ZNF469: variants seen among roughly 807,000 people sequenced by gnomAD.
ZNF469 encodes the protein zinc finger protein 469.
In ZNF469, 1 loss-of-function variant was observed where a neutral mutation model predicts 1.0. The observed-to-expected ratio is 1.00, with a 90% CI of 0.35 to 4.73. ZNF469 has a LOEUF of 4.73. Among genes scored for constraint, ZNF469 ranks in the 30% most tolerant of loss-of-function variants. ZNF469 has a pLI of 0.16. For missense variants in ZNF469, 6,100 were observed against 5,356.3 expected, an observed-to-expected ratio of 1.14 and a Z score of -4.33; for synonymous variants, 2,703 against 2,363.4, an observed-to-expected ratio of 1.14 and a Z score of -4.17.
At chr16:88,388,411 ACGGCAGC>A (rs1904398274) in intron 1 of ZNF469, among the ~76,000 whole-genome samples, 1 of 152,250 alleles carries the variant, frequency 6.6e-6, no homozygotes, top group Admixed American at 6.5e-5. Context: ...CCGGCCGGGC[ACGGCAGC>A]CGCCTGCAGA....
chr16:88,228,216 T>C, the ZNF469 span, among the ~76,000 whole-genome samples: 5 of 152,256 alleles, frequency 3.3e-5, no homozygotes, highest in Non-Finnish European at 7.3e-5. Flanking sequence ...GTGTGGGCTG[T>C]GGAGCAGGGG....
the ZNF469 span, among the ~76,000 whole-genome samples, chr16:88,153,370 G>A: frequency 7.7e-4 from 118 of 152,360 alleles, no homozygotes; most frequent in African/African-American, 2.8e-3. Context: ...TGGTCTAGAA[G>A]AGTCTCCGTT....
At chr16:88,171,951 A>G in the ZNF469 span, among the ~76,000 whole-genome samples, 1 of 152,204 alleles carries the variant, frequency 6.6e-6, no homozygotes. Flanking sequence ...AGAAAACTGG[A>G]TGAAGTGTTC....
intron 1 of ZNF469, among the ~76,000 whole-genome samples, chr16:88,400,213 C>T (rs1461126334): frequency 2.0e-5 from 3 of 152,220 alleles, no homozygotes; most frequent in African/African-American, 4.8e-5. Context: ...TCAGCAGGCC[C>T]GAGTTCGAGC....
chr16:88,229,719 C>A, the ZNF469 span, among the ~76,000 whole-genome samples: 2 of 152,224 alleles, frequency 1.3e-5, no homozygotes, highest in Non-Finnish European at 2.9e-5. Context: ...GTGCTGATGT[C>A]ACGCGTGTGG....
At chr16:88,377,062 G>C in the ZNF469 span, among the ~76,000 whole-genome samples, 3 of 152,264 alleles carry the variant, frequency 2.0e-5, no homozygotes, top group Non-Finnish European at 4.4e-5. Flanking sequence ...CTCCCAGGAG[G>C]GACTTGCCAG....
chr16:88,286,496 A>T, the ZNF469 span, among the ~76,000 whole-genome samples: 1 of 152,234 alleles, frequency 6.6e-6, no homozygotes, highest in Non-Finnish European at 1.5e-5. Context: ...GCCAGCTCCC[A>T]CATGCCATCC....
At chr16:88,247,009 GAATC>G in the ZNF469 span, among the ~76,000 whole-genome samples, 1 of 151,954 alleles carries the variant, frequency 6.6e-6, no homozygotes, top group African/African-American at 2.4e-5. Flanking sequence ...GTGAATGAGT[GAATC>G]AATGAGTGAG....
intron 1 of ZNF469, among the ~76,000 whole-genome samples, chr16:88,403,124 C>G (rs12102854): frequency 0.35 from 53,027 of 151,996 alleles, 9,519 homozygotes; most frequent in Non-Finnish European, 0.4. Flanking sequence ...CAGGAGAGAA[C>G]CTTGGGTGGA....
At chr16:88,185,611 TACAG>T in the ZNF469 span, among the ~76,000 whole-genome samples, 3 of 147,118 alleles carry the variant, frequency 2.0e-5, no homozygotes, top group East Asian at 4.1e-4. Flanking sequence ...TGCCCAGACC[TACAG>T]ACACACTCAC....
At chr16:88,243,936 ATATATATATATAT>A in the ZNF469 span, among the ~76,000 whole-genome samples, 83 of 111,098 alleles carry the variant, frequency 7.5e-4, 5 homozygotes, top group East Asian at 0.012. Context: ...ATATATATAT[ATATATATATATAT>A]ATAAATGTAT....
the ZNF469 span, among the ~76,000 whole-genome samples, chr16:88,280,557 T>C: frequency 0.7 from 104,093 of 149,290 alleles, 36,397 homozygotes; most frequent in East Asian, 0.91. Context: ...GCCACGCTGA[T>C]GCTTGATCAG....
At chr16:88,296,929 C>T in the ZNF469 span, among the ~76,000 whole-genome samples, 1 of 152,242 alleles carries the variant, frequency 6.6e-6, no homozygotes, top group Non-Finnish European at 1.5e-5. Flanking sequence ...TGTTTTGAAG[C>T]AGGGCCATTT....
chr16:88,374,554 G>A, the ZNF469 span, among the ~76,000 whole-genome samples: 1 of 152,238 alleles, frequency 6.6e-6, no homozygotes, highest in Admixed American at 6.5e-5. Flanking sequence ...GGTGCCATGT[G>A]AGGCTTCTGA....
chr16:88,146,618 G>A, the ZNF469 span, among the ~76,000 whole-genome samples: 12 of 152,218 alleles, frequency 7.9e-5, no homozygotes, highest in East Asian at 3.9e-4. Flanking sequence ...CTCTCCCACC[G>A]TCTCCAGTCT....
the ZNF469 span, among the ~76,000 whole-genome samples, chr16:88,182,566 G>A: frequency 2.6e-5 from 4 of 151,954 alleles, no homozygotes; most frequent in African/African-American, 4.8e-5. Context: ...ACAAAATAGA[G>A]TCTTGGAAAT....
intron 1 of ZNF469, among the ~76,000 whole-genome samples, chr16:88,421,692 C>G (rs1465818309): frequency 1.3e-5 from 2 of 152,330 alleles, no homozygotes; most frequent in South Asian, 2.1e-4. Context: ...GACAGAGGGA[C>G]AGGGTGTGGA....
At position 88,439,421 on chromosome 16, in the gene ZNF469, C is replaced by G; in HGVS notation, c.*89C>G. 7 of 1,411,904 alleles carry G rather than the reference C, an allele frequency of 5.0e-6. No individual in the cohort carries two copies. Among genetic ancestry groups the G allele is most frequent in the Non-Finnish European group, 6.8e-6 (7 of 1,024,330 alleles). The allele number at this position is 1,411,904 out of a possible 1,614,324, so 87.5% of individuals were successfully genotyped here. A position where few individuals can be genotyped will look rare whatever the true frequency, so the allele number is the denominator to read the frequency against. The stretch of plus-strand genomic sequence containing the variant: ...AGCTCCGGCTCCCTGAGATGGTCCA[C>G]TCTGTGGCCACTTGACTTCTTGTGC... On this transcript the variant is annotated 3_prime_UTR_variant, in exon 3 of 3. Coordinates refer to ENST00000565624, the MANE Select transcript of ZNF469 (RefSeq NM_001367624.2).
At chr16:88,312,696 G>T in the ZNF469 span, among the ~76,000 whole-genome samples, 1 of 152,178 alleles carries the variant, frequency 6.6e-6, no homozygotes, top group South Asian at 2.1e-4. Context: ...TTGAGGGAGA[G>T]ACGCCATTTT....
Sources: allele counts gnomAD v4.1 joint callset (sites outside exome capture counted in the v4.1 genomes callset), GRCh38; gene constraint gnomAD v4.1.1; transcripts MANE v1.5; gene names NCBI Gene and HGNC (gene_info 2026-07-23, HGNC 2026-07-21).